Variants in SUN1 observed in about 807,000 individuals in gnomAD.
SUN1 encodes Sad1 and UNC84 domain containing 1.
SUN1 carries 61 observed loss-of-function variants against 103.2 expected under a neutral mutation model. That is an observed-to-expected ratio of 0.59 (90% CI 0.48 to 0.73). The LOEUF (loss-of-function observed/expected upper bound fraction) is 0.73, where lower values mean the gene tolerates loss of function less well. SUN1 is among the 30% of genes least tolerant of loss of function. The pLI is 0.00. For missense variants in SUN1, 1,052 were observed against 1,034.6 expected, an observed-to-expected ratio of 1.02 and a Z score of -0.23; for synonymous variants, 490 against 425.7, an observed-to-expected ratio of 1.15 and a Z score of -1.86.
At chr7:852,536 AGAG>A (rs1823215211) in intron 7 of SUN1, 70 bp from the exon 8 acceptor site, 2 of 1,587,150 alleles carry the variant, frequency 1.3e-6, no homozygotes, top group Non-Finnish European at 1.7e-6. Flanking sequence ...AAAATTATCT[AGAG>A]GGGGAAAACA....
intron 12 of SUN1, among the ~76,000 whole-genome samples, chr7:857,421 C>T (rs578207377): frequency 4.5e-4 from 68 of 152,126 alleles, no homozygotes; most frequent in African/African-American, 1.6e-3. Context: ...AGTATGTGTG[C>T]CTGTAAAGAC....
At chr7:830,091 G>C (rs1009410545), upstream of SUN1, among the ~76,000 whole-genome samples, 14 of 152,326 alleles carry the variant, frequency 9.2e-5, no homozygotes, top group African/African-American at 3.4e-4. Context: ...CCGTGTCGTG[G>C]TCTGTTAAGG....
chr7:872,669 C>T (rs1454422308), intron 18 of SUN1, 107 bp downstream of exon 18: 2 of 860,412 alleles, frequency 2.3e-6, no homozygotes, highest in African/African-American at 3.4e-5. Context: ...GAGGACCATC[C>T]TTTGAAAAAT....
chr7:874,453 AGTTGT>A lies in SUN1; in HGVS notation c.*1127_*1131del, dbSNP rs1346389315. On this transcript the variant is annotated 3_prime_UTR_variant, in exon 19 of 19. Coordinates refer to ENST00000401592, the MANE Select transcript of SUN1 (RefSeq NM_001130965.3). ...GATGTTTTACCTTAAGAATTATTTA[AGTTGT>A]GTTGGGTTAAGACAGTTTTCAGTGT... 5 of 151,482 alleles carry A rather than the reference AGTTGT, an allele frequency of 3.3e-5. No individual in the cohort carries two copies. In the East Asian group the frequency reaches 9.6e-4, roughly 29 times the overall value. 9.4% of individuals were successfully genotyped at this position (151,482 alleles called of 1,614,324 possible). A position where few individuals can be genotyped will look rare whatever the true frequency, so the allele number is the denominator to read the frequency against.
At chr7:844,058 C>A (rs1385211959) in intron 5 of SUN1, among the ~76,000 whole-genome samples, 1 of 152,218 alleles carries the variant, frequency 6.6e-6, no homozygotes. Context: ...CTGCAGGAAA[C>A]CCCCTGATGT....
chr7:847,488 C>G (rs1433869451), intron 5 of SUN1, among the ~76,000 whole-genome samples: 4 of 111,162 alleles, frequency 3.6e-5, no homozygotes, highest in African/African-American at 1.4e-4. Context: ...GGGGGTTACC[C>G]CACAGCGCCG....
Position 852,817 on chromosome 7 carries a change from C to T in SUN1, c.918C>T (p.Leu306=). 6.2e-7 allele frequency: 1 copy of T among 1,613,018 alleles called. No homozygotes were observed. Residue 306 remains leucine, a synonymous_variant, in exon 9 of 19, where the codon CTC becomes CTT. Transcript: ENST00000401592. ...GTGGCTCTTCTCTTTTAGCAGGTCTCTCCTTACGGGGCCAGGGCAATTTCT... is the reference window on the plus strand; with the variant it reads ...GTGGCTCTTCTCTTTTAGCAGGTCTTTCCTTACGGGGCCAGGGCAATTTCT... The part of the protein sequence containing the change: ...LIPLFLLLAG[L]SLRGQGNFFS...
intron 1 of SUN1, among the ~76,000 whole-genome samples, chr7:826,806 A>G (rs1054581647): frequency 4.0e-4 from 61 of 152,272 alleles, no homozygotes; most frequent in Admixed American, 9.8e-4. Flanking sequence ...GCATTGTGCT[A>G]ATGTCTGTAA....
intron 1 of SUN1, among the ~76,000 whole-genome samples, chr7:835,094 A>T (rs1801716096): frequency 6.6e-6 from 1 of 152,210 alleles, no homozygotes; most frequent in Non-Finnish European, 1.5e-5. Context: ...AACAAAATAA[A>T]ATTTTTTTTC....
At chr7:823,567 C>T (rs1351285875) in intron 1 of SUN1, among the ~76,000 whole-genome samples, 1 of 152,112 alleles carries the variant, frequency 6.6e-6, no homozygotes, top group Non-Finnish European at 1.5e-5. Flanking sequence ...GATTCTAAGG[C>T]ACGGATGGGA....
chr7:838,550 G>T (rs1340296831), intron 1 of SUN1, among the ~76,000 whole-genome samples: 3 of 152,206 alleles, frequency 2.0e-5, no homozygotes, highest in Non-Finnish European at 4.4e-5. Context: ...TAGACGCTGG[G>T]CCCCAGCATC....
intron 16 of SUN1, 21 bp downstream of exon 16, chr7:866,088 G>A (rs543467659): frequency 1.7e-5 from 27 of 1,600,728 alleles, no homozygotes; most frequent in African/African-American, 6.7e-5. Flanking sequence ...GCCGGTGGCC[G>A]GAGCTGCTCC....
intron 7 of SUN1, 174 bp from the exon 8 acceptor site, chr7:852,435 C>T: frequency 2.8e-6 from 2 of 725,166 alleles, no homozygotes; most frequent in Non-Finnish European, 2.3e-6. Context: ...TCAAAGACAC[C>T]ATTTTACATG....
intron 5 of SUN1, chr7:843,734 A>G (rs1448096208): frequency 3.3e-5 from 47 of 1,424,862 alleles, no homozygotes; most frequent in Non-Finnish European, 4.2e-5. Flanking sequence ...AAGTATTTGA[A>G]ATTCTATAAA....
At chr7:832,822 T>C (rs1401309668) in intron 1 of SUN1, 3 of 527,120 alleles carry the variant, frequency 5.7e-6, no homozygotes, top group Admixed American at 6.7e-5. Flanking sequence ...TGGTTAGTCA[T>C]CGCACATGGC....
upstream of SUN1, chr7:816,077 C>G (rs1447660917): frequency 8.3e-6 from 2 of 241,696 alleles, no homozygotes; most frequent in Admixed American, 1.2e-4. Flanking sequence ...TGCGGACGCC[C>G]TCCCCCAGAT....
intron 10 of SUN1, 79 bp downstream of exon 10, chr7:853,697 A>G (rs1241075211): frequency 3.4e-6 from 5 of 1,478,936 alleles, no homozygotes; most frequent in Non-Finnish European, 4.6e-6. Context: ...TTTGGGAGAC[A>G]GAGGGGACAG....
At chr7:872,344 A>C in intron 17 of SUN1, 126 bp from the exon 18 acceptor site, 1 of 741,492 alleles carries the variant, frequency 1.3e-6, no homozygotes, top group Non-Finnish European at 2.3e-6. Context: ...TGGAGGAATG[A>C]CCTTCTCTTA....
At chr7:841,884 A>G (rs531311600) in intron 2 of SUN1, 62 bp from the exon 3 acceptor site, 3 of 1,550,022 alleles carry the variant, frequency 1.9e-6, no homozygotes, top group East Asian at 4.6e-5. Flanking sequence ...TGTTGGTCAA[A>G]TGTAATCATT....
Sources: allele counts gnomAD v4.1 joint callset (sites outside exome capture counted in the v4.1 genomes callset), GRCh38; gene constraint gnomAD v4.1.1; transcripts MANE v1.5; gene names NCBI Gene and HGNC (gene_info 2026-07-23, HGNC 2026-07-21).